Variants in PRDM11 observed in about 807,000 individuals in gnomAD.
PRDM11 encodes the protein PR/SET domain 11, also known as PR domain-containing protein 11.
A neutral mutation model predicts 97.8 loss-of-function variants in PRDM11; 20 were observed. The observed-to-expected ratio is 0.20, with a 90% CI of 0.14 to 0.30. The LOEUF (loss-of-function observed/expected upper bound fraction) is 0.30. Among genes scored for constraint, PRDM11 ranks in the 10% least tolerant of loss-of-function variants. The probability of loss-of-function intolerance (pLI) is 1.00; values close to 1 mark genes in which losing one functional copy is unlikely to be tolerated. For synonymous variants in PRDM11, 599 were observed against 637.7 expected, an observed-to-expected ratio of 0.94 and a Z score of 0.91; for missense variants, 1,139 against 1,555.2, an observed-to-expected ratio of 0.73 and a Z score of 4.50.
At chr11:45,115,926 C>T (rs982550084) in intron 1 of PRDM11, among the ~76,000 whole-genome samples, 5 of 132,018 alleles carry the variant, frequency 3.8e-5, no homozygotes, top group Non-Finnish European at 7.8e-5. Flanking sequence ...GAAACTCCAT[C>T]TCAAAAAAAA....
At chr11:45,167,678 G>A (rs936460066) in intron 1 of PRDM11, among the ~76,000 whole-genome samples, 2 of 152,030 alleles carry the variant, frequency 1.3e-5, no homozygotes, top group African/African-American at 4.8e-5. Flanking sequence ...AGAGGATAGT[G>A]AGGCCTTGCA....
intron 1 of PRDM11, among the ~76,000 whole-genome samples, chr11:45,178,007 G>A (rs1279473383): frequency 1.3e-5 from 2 of 152,172 alleles, no homozygotes; most frequent in Non-Finnish European, 2.9e-5. Flanking sequence ...GCCCACAGAT[G>A]TCTCTACTTT....
intron 1 of PRDM11, among the ~76,000 whole-genome samples, chr11:45,139,873 G>A (rs1036950450): frequency 6.6e-6 from 1 of 152,124 alleles, no homozygotes; most frequent in Non-Finnish European, 1.5e-5. Context: ...CAGTGTTTTA[G>A]AAATGGAGGG....
At position 45,226,235 on chromosome 11, in the gene PRDM11, T is replaced by A. The variant is rs1221702999; in HGVS notation, c.1610T>A (p.Val537Glu). The change falls in exon 8 of 8, where the codon GTG becomes GAG. Residue 537 changes from valine (V) to glutamate (E), a missense_variant. Transcript: ENST00000683152. ...TGCCACGTCTGCCGCCAGTACACGGTGCAGTCCTCACGCACCTCGGCCTTC... is the reference window on the plus strand; with the variant it reads ...TGCCACGTCTGCCGCCAGTACACGGAGCAGTCCTCACGCACCTCGGCCTTC... ...MWCHVCRQYT[V>E]QSSRTSAFII... The A allele has an allele frequency of 6.5e-7, 1 of 1,533,980 alleles. No individual in the cohort carries two copies. The highest frequency in any genetic ancestry group is 8.7e-7 in the Non-Finnish European group (1 of 1,146,744).
At chr11:45,175,819 A>G (rs1420433970) in intron 1 of PRDM11, among the ~76,000 whole-genome samples, 2 of 145,182 alleles carry the variant, frequency 1.4e-5, no homozygotes, top group African/African-American at 2.4e-5. Flanking sequence ...ACTCTTGCCA[A>G]CTCTGAATAA....
At chr11:45,104,756 T>A (rs1190228882) in intron 1 of PRDM11, among the ~76,000 whole-genome samples, 1 of 152,084 alleles carries the variant, frequency 6.6e-6, no homozygotes, top group African/African-American at 2.4e-5. Context: ...AGGGACTGGG[T>A]GGGGCACTTT....
intron 5 of PRDM11, among the ~76,000 whole-genome samples, chr11:45,211,013 A>G (rs559843788): frequency 1.3e-5 from 2 of 152,294 alleles, no homozygotes; most frequent in African/African-American, 4.8e-5. Context: ...CGAGTGTGCC[A>G]TCAGGCAGAG....
chr11:45,137,612 G>A (rs1852897829), intron 1 of PRDM11, among the ~76,000 whole-genome samples: 1 of 152,120 alleles, frequency 6.6e-6, no homozygotes, highest in African/African-American at 2.4e-5. Context: ...GCCGGGCATG[G>A]TGGCGTGCAT....
At chr11:45,096,218 C>T (rs1367010493) in intron 1 of PRDM11, among the ~76,000 whole-genome samples, 1 of 152,198 alleles carries the variant, frequency 6.6e-6, no homozygotes, top group Admixed American at 6.5e-5. Flanking sequence ...TGCCAGATCA[C>T]TAGGACTCGG....
At chr11:45,116,240 C>G (rs188708249) in intron 1 of PRDM11, among the ~76,000 whole-genome samples, 34 of 152,188 alleles carry the variant, frequency 2.2e-4, no homozygotes, top group Admixed American at 1.7e-3. Context: ...AACTAACTGA[C>G]CAGAAATCAG....
intron 5 of PRDM11, among the ~76,000 whole-genome samples, chr11:45,210,199 GC>G (rs1853675931): frequency 6.6e-6 from 1 of 152,152 alleles, no homozygotes; most frequent in South Asian, 2.1e-4. Flanking sequence ...CACGCTGCCT[GC>G]CCCCACTTTT....
Position 45,218,033 on chromosome 11 carries a change from A to G in PRDM11, c.555-1537A>G, listed in dbSNP as rs143554137. Among the ~76,000 whole-genome samples, 496 of 152,288 alleles carry G rather than the reference A, an allele frequency of 3.3e-3. 2 individuals carry two copies. The highest frequency in any genetic ancestry group is 0.012 in the African/African-American group (491 of 41,548). On this transcript the variant is annotated intron_variant, in intron 5 of 7. Transcript: ENST00000683152. ...CTACTTCCAGTCCTATTGTTCTCAC[A>G]CTATCTTATTTCAACACCATTTTTC...
chr11:45,180,705 C>A (rs1412748604), intron 1 of PRDM11, among the ~76,000 whole-genome samples: 2 of 149,706 alleles, frequency 1.3e-5, no homozygotes, highest in Non-Finnish European at 3.0e-5. Context: ...CCGGGCGGGC[C>A]GGGCCGGGCA....
At chr11:45,128,342 ACTGCACCCACTGTC>A (rs1852632205) in intron 1 of PRDM11, among the ~76,000 whole-genome samples, 3 of 152,118 alleles carry the variant, frequency 2.0e-5, no homozygotes, top group Admixed American at 6.5e-5. Context: ...CACACAGTGC[ACTGCACCCACTGTC>A]CTGCACCCAC....
At chr11:45,182,674 C>T (rs1852553210) in intron 3 of PRDM11, among the ~76,000 whole-genome samples, 187 bp from the exon 4 acceptor site, 1 of 152,164 alleles carries the variant, frequency 6.6e-6, no homozygotes, top group South Asian at 2.1e-4. Context: ...TAGCTGCTGG[C>T]CTCCTTGACG....
chr11:45,152,530 T>G (rs1008630321), intron 1 of PRDM11, among the ~76,000 whole-genome samples: 1 of 152,246 alleles, frequency 6.6e-6, no homozygotes, highest in African/African-American at 2.4e-5. Flanking sequence ...CCCAGAGAGC[T>G]GGGTTTTTTG....
intron 1 of PRDM11, among the ~76,000 whole-genome samples, chr11:45,114,385 G>T (rs942539885): frequency 6.6e-6 from 1 of 152,050 alleles, no homozygotes; most frequent in African/African-American, 2.4e-5. Context: ...TAAATAGAAA[G>T]TATCTAATCT....
At chr11:45,222,660 G>T (rs1245291702) in intron 6 of PRDM11, among the ~76,000 whole-genome samples, 2 of 152,158 alleles carry the variant, frequency 1.3e-5, no homozygotes, top group East Asian at 1.9e-4. Flanking sequence ...TCCCTTTTGT[G>T]CTGTAACCTA....
At chr11:45,127,686 A>G (rs1408829449) in intron 1 of PRDM11, among the ~76,000 whole-genome samples, 1 of 152,226 alleles carries the variant, frequency 6.6e-6, no homozygotes, top group Non-Finnish European at 1.5e-5. Flanking sequence ...TGAACCGCAA[A>G]TGCTGCTGCC....
Sources: gnomAD v4.1 joint callset for allele counts (sites outside exome capture counted in the v4.1 genomes callset) on GRCh38, gnomAD v4.1.1 for gene constraint, MANE v1.5 for transcripts, NCBI Gene and HGNC (gene_info 2026-07-23, HGNC 2026-07-21) for gene names.